Variants in HTT observed in about 807,000 individuals in gnomAD.
HTT encodes the protein huntingtin, also known as huntington disease protein.
HTT carries 104 observed loss-of-function variants against 362.3 expected under a neutral mutation model. The ratio of observed to expected loss-of-function variants is 0.29; its 90% CI spans 0.24 to 0.34. The LOEUF (loss-of-function observed/expected upper bound fraction) is 0.34. HTT is among the 10% of genes least tolerant of loss of function. The pLI is 1.00. For synonymous variants in HTT, 1,577 were observed against 1,548.7 expected (o/e 1.02, Z -0.43); for missense variants, 3,301 against 3,928.6 (o/e 0.84, Z 4.27).
Position 3,241,091 on chromosome 4 carries a change from G to A in HTT, c.*1032G>A, listed in dbSNP as rs1721781565. ...ACTCCTGTTCCTTGCTAGCCCTGGG[G>A]TGGCGTCTGCCTAGGAGCTGGCTGG... On this transcript the variant is annotated 3_prime_UTR_variant, in exon 67 of 67. Transcript: ENST00000355072. 1 of 152,534 alleles carries A rather than the reference G, an allele frequency of 6.6e-6. No individual in the cohort carries two copies. Among genetic ancestry groups the A allele is most frequent in the Non-Finnish European group, 1.5e-5 (1 of 68,318 alleles). The allele number at this position is 152,534 out of a possible 1,614,324, so 9.4% of individuals were successfully genotyped here. A position where few individuals can be genotyped will look rare whatever the true frequency, so the allele number is the denominator to read the frequency against.
chr4:3,112,787 G>C lies in HTT; in HGVS notation c.748-2517G>C, dbSNP rs569992279. ...CTAGAGGTGGAGTTGTTGGGTGATA[G>C]GGTGTGTGCATCTCAGCTGCAGTAG... On this transcript the variant is annotated intron_variant, in intron 6 of 66. Coordinates refer to ENST00000355072, the MANE Select transcript of HTT (RefSeq NM_001388492.1). Among the ~76,000 whole-genome samples, 15 of 152,270 alleles carry C rather than the reference G, an allele frequency of 9.9e-5. No homozygotes were observed. The South Asian group carries it at 3.1e-3, about 32-fold the overall frequency.
intron 48 of HTT, 37 bp downstream of exon 48, chr4:3,212,179 C>G: frequency 6.8e-7 from 1 of 1,465,804 alleles, no homozygotes; most frequent in Non-Finnish European, 9.4e-7. Context: ...TTTTAAAAAG[C>G]ATTCCAGGGC....
At chr4:3,233,438 G>A in intron 61 of HTT, 85 bp downstream of exon 61, 1 of 1,352,668 alleles carries the variant, frequency 7.4e-7, no homozygotes, top group South Asian at 1.3e-5. Flanking sequence ...AAGTGCCCAG[G>A]CTCCTGGCCA....
chr4:3,209,331 C>G (rs1720024209), intron 46 of HTT, among the ~76,000 whole-genome samples: 1 of 152,204 alleles, frequency 6.6e-6, no homozygotes, highest in Non-Finnish European at 1.5e-5. Context: ...TAGGGACCAC[C>G]TGGAGCCTTG....
At chr4:3,213,467 G>C (rs1257486836) in intron 49 of HTT, among the ~76,000 whole-genome samples, 3 of 152,214 alleles carry the variant, frequency 2.0e-5, no homozygotes, top group African/African-American at 7.2e-5. Flanking sequence ...TGTGAGATAG[G>C]CTCTGTTACT....
intron 26 of HTT, among the ~76,000 whole-genome samples, chr4:3,152,006 C>T (rs539380135): frequency 9.9e-5 from 15 of 152,130 alleles, no homozygotes; most frequent in East Asian, 1.9e-4. Flanking sequence ...TAGCTCACTG[C>T]GGCCTCGATC....
intron 6 of HTT, among the ~76,000 whole-genome samples, chr4:3,109,185 T>G (rs1714597386): frequency 6.6e-6 from 1 of 152,120 alleles, no homozygotes; most frequent in African/African-American, 2.4e-5. Context: ...AACATAACTC[T>G]TAGTATTTCT....
chr4:3,164,807 A>G (rs571942081), intron 29 of HTT, among the ~76,000 whole-genome samples: 24 of 152,254 alleles, frequency 1.6e-4, no homozygotes, highest in African/African-American at 3.6e-4. Context: ...TTTTGAGCCA[A>G]TGAGTGTCTT....
chr4:3,203,859 A>G (rs1719711416), intron 41 of HTT, 148 bp from the exon 42 acceptor site: 3 of 687,444 alleles, frequency 4.4e-6, no homozygotes, highest in Non-Finnish European at 7.4e-6. Context: ...CTGAGAGTAT[A>G]TATTACACAT....
Position 3,116,101 on chromosome 4 carries a change from C to T in HTT, c.906C>T (p.Val302=), listed in dbSNP as rs199509618. ...LNVLLGLLVP[V]EDEHSTLLIL... is the part of the protein sequence containing the mutation. ...CCCCCACAGGCTTACTCGTTCCTGT[C>T]GAGGATGAACACTCCACTCTGCTGA... Residue 302 remains valine (V), a synonymous_variant, in exon 8 of 67, where the codon GTC becomes GTT. Coordinates refer to ENST00000355072, the MANE Select transcript of HTT (RefSeq NM_001388492.1). The T allele has an allele frequency of 3.0e-5, 48 of 1,610,954 alleles. No homozygotes were observed. The East Asian group carries it at 3.1e-4, about 10-fold the overall frequency.
intron 26 of HTT, among the ~76,000 whole-genome samples, chr4:3,151,695 G>A (rs1326859001): frequency 1.3e-5 from 2 of 152,082 alleles, no homozygotes; most frequent in Non-Finnish European, 2.9e-5. Flanking sequence ...GTTTCATCCC[G>A]AAACCATCCC....
Position 3,172,412 on chromosome 4 carries a change from C to A in HTT, c.3942+15C>A. ...GTGTTCAACAAGTAAGAGCTTCATT[C>A]TTTTCCTCTTCTGTTAAGACGTTCG... On this transcript the variant is annotated intron_variant, in intron 30 of 66. Coordinates refer to ENST00000355072, the MANE Select transcript of HTT (RefSeq NM_001388492.1). 1 of 1,551,980 alleles carries A rather than the reference C, an allele frequency of 6.4e-7. No homozygotes were observed. The highest frequency in any genetic ancestry group is 8.9e-7 in the Non-Finnish European group (1 of 1,123,226).
rs1340510672 is a variant in HTT, at chr4:3,229,000, G to A, written c.8100G>A (p.Val2700=). Reference sequence around the variant, plus strand: ...CCCCGGCCATCCTGATCAGTGAGGTGGTCAGATCCGTAAGTGAGCCTTCCC... The same window carrying A: ...CCCCGGCCATCCTGATCAGTGAGGTAGTCAGATCCGTAAGTGAGCCTTCCC... The part of the protein sequence containing the change: ...RRTPAILISE[V]VRSLLVVSDL... Residue 2700 remains valine, a synonymous_variant, in exon 59 of 67, where the codon GTG becomes GTA. Coordinates refer to ENST00000355072, the MANE Select transcript of HTT (RefSeq NM_001388492.1). This position sits in a 1 kb window ranked among gnomAD's most constrained non-coding sequence, Gnocchi z 4.3. 1.2e-6 allele frequency: 2 copies of A among 1,612,348 alleles called. No homozygotes were observed. The highest frequency in any genetic ancestry group is 1.7e-6 in the Non-Finnish European group (2 of 1,178,806).
chr4:3,097,315 A>C (rs1713903068), intron 2 of HTT, among the ~76,000 whole-genome samples: 1 of 152,184 alleles, frequency 6.6e-6, no homozygotes, highest in African/African-American at 2.4e-5. Context: ...AGATGACAGT[A>C]GTATAGATTA....
chr4:3,220,356 G>C, intron 53 of HTT, 48 bp downstream of exon 53: 1 of 1,588,936 alleles, frequency 6.3e-7, no homozygotes, highest in South Asian at 1.1e-5. Context: ...GACATCTACC[G>C]GGAGGAAATC....
intron 27 of HTT, 138 bp downstream of exon 27, chr4:3,154,557 G>A: frequency 6.7e-6 from 8 of 1,201,348 alleles, no homozygotes; most frequent in East Asian, 5.3e-5. Flanking sequence ...CTCCAGGTGC[G>A]GTTCAAGATA....
At position 3,212,603 on chromosome 4, in the gene HTT, G is replaced by A. The variant is rs375059996; in HGVS notation, c.6668G>A (p.Arg2223Gln). 2.7e-5 allele frequency: 44 copies of A among 1,614,058 alleles called. No homozygotes were observed. Among genetic ancestry groups the A allele is most frequent in the African/African-American group, 4.0e-5 (3 of 74,902 alleles). ...TATCAGTCCCTGCCCACTCTGGCCC[G>A]GGCCCTGGCACAGTACCTGGTGGTG... ...ALYQSLPTLARALAQYLVVVS... is the reference protein window; with the variant it reads ...ALYQSLPTLAQALAQYLVVVS... Residue 2223 changes from arginine (R) to glutamine (Q), a missense_variant, in exon 49 of 67, where the codon CGG (arginine) becomes CAG (glutamine). Physicochemically the swap from Arg to Gln is conservative, Grantham distance 43 (BLOSUM62 1). Transcript: ENST00000355072.
intron 39 of HTT, 90 bp from the exon 40 acceptor site, chr4:3,188,861 A>G: frequency 4.7e-6 from 6 of 1,272,240 alleles, no homozygotes; most frequent in Non-Finnish European, 5.5e-6. Flanking sequence ...TTTTTACTTT[A>G]TATTTACCAT....
intron 23 of HTT, among the ~76,000 whole-genome samples, chr4:3,143,442 A>C (rs1455343743): frequency 6.6e-5 from 10 of 150,710 alleles, no homozygotes; most frequent in Non-Finnish European, 1.5e-4. Flanking sequence ...GTCTCAAAAA[A>C]AAAAAAAAAA....
Sources: allele counts gnomAD v4.1 joint callset (sites outside exome capture counted in the v4.1 genomes callset), GRCh38; gene constraint gnomAD v4.1.1; non-coding constraint Gnocchi (gnomAD v3.1); transcripts MANE v1.5; gene names NCBI Gene and HGNC (gene_info 2026-07-23, HGNC 2026-07-21).